The following RRP8 variants were observed in gnomAD, a reference collection of about 807,000 sequenced individuals.
The protein encoded by RRP8 is ribosomal RNA-processing protein 8.
RRP8 carries 48 observed loss-of-function variants against 45.0 expected under a neutral mutation model. The observed-to-expected ratio is 1.07, with a 90% CI of 0.85 to 1.36. RRP8 has a LOEUF of 1.36. Ranked by LOEUF, RRP8 falls within the 40% of genes most tolerant of loss-of-function variation. RRP8 has a pLI of 0.00. For synonymous variants in RRP8, 274 were observed against 212.4 expected, an observed-to-expected ratio of 1.29 and a Z score of -2.52; for missense variants, 658 against 573.7, an observed-to-expected ratio of 1.15 and a Z score of -1.50.
In RRP8 at chr11:6,601,357, C is replaced by T. The variant is rs1185884241; in HGVS notation, c.709G>A (p.Ala237Thr). 7 of 1,614,062 alleles carry T rather than the reference C, an allele frequency of 4.3e-6. No individual in the cohort carries two copies. Among genetic ancestry groups the T allele is most frequent in the Admixed American group, 1.7e-5 (1 of 60,024 alleles). The change falls in exon 3 of 7, where the codon GCT becomes ACT. Residue 237 changes from alanine to threonine, a missense_variant. Transcript: ENST00000254605. ...RTDSHEARAG[A>T]LRARMAQRLD... Reference sequence around the variant, plus strand: ...CGCTGTGCCATGCGGGCTCGCAAAGCCCCTGCCCGAGCCTCATGGCTGTCT... The same window carrying T: ...CGCTGTGCCATGCGGGCTCGCAAAGTCCCTGCCCGAGCCTCATGGCTGTCT...
At position 6,600,926 on chromosome 11, in the gene RRP8, C is replaced by T. The variant is rs777430541; in HGVS notation, c.1047G>A (p.Gln349=). ...CAAGCCAGATAACATAGGGGTTTAC[C>T]TGGGCCATGTCACACACAGTGACCC... The part of the protein sequence containing the change: ...DPRVTVCDMA[Q]VPLEDESVDV... Residue 349 remains glutamine (Q), a splice_region_variant and synonymous_variant, in exon 4 of 7, where the codon CAG becomes CAA. Transcript: ENST00000254605. 1.2e-6 allele frequency: 2 copies of T among 1,614,140 alleles called. No homozygotes were observed. The highest frequency in any genetic ancestry group is 1.7e-6 in the Non-Finnish European group (2 of 1,180,022).
rs562138702 is a variant in RRP8 at position 6,598,774 on chromosome 11, T to C, written c.*1372A>G. The C allele has an allele frequency of 1.3e-5, 2 of 152,316 alleles. No homozygotes were observed. The highest frequency in any genetic ancestry group is 2.9e-5 in the Non-Finnish European group (2 of 68,034). 9.4% of individuals were successfully genotyped at this position (152,316 alleles called of 1,614,324 possible). On this transcript the variant is annotated 3_prime_UTR_variant, in exon 7 of 7. Coordinates refer to ENST00000254605, the MANE Select transcript of RRP8 (RefSeq NM_015324.4). ...CCCTTATTAGAGGCATCCAACTGGC[T>C]CAGGGCATAGAACCTATGATCTCCC...
intron 2 of RRP8, 64 bp downstream of exon 2, chr11:6,601,788 T>C (rs1253482369): frequency 7.9e-6 from 12 of 1,515,628 alleles, no homozygotes; most frequent in Non-Finnish European, 9.7e-6. Flanking sequence ...CTCTTGTATG[T>C]AGAACCAGCT....
chr11:6,601,658 T>A, intron 2 of RRP8, 56 bp from the exon 3 acceptor site: 12 of 1,524,770 alleles, frequency 7.9e-6, no homozygotes, highest in Non-Finnish European at 1.1e-5. Context: ...ACATTCGGAG[T>A]CACGGCAAGT....
rs1854281457 is a variant in RRP8, at chr11:6,599,036, C to G, written c.*1110G>C. 1 of 152,322 alleles carries G rather than the reference C, an allele frequency of 6.6e-6. No homozygotes were observed. Among genetic ancestry groups the G allele is most frequent in the Non-Finnish European group, 1.5e-5 (1 of 68,092 alleles). 9.4% of individuals were successfully genotyped at this position (152,322 alleles called of 1,614,324 possible). A position where few individuals can be genotyped will look rare whatever the true frequency, so the allele number is the denominator to read the frequency against. Reference sequence around the variant, plus strand: ...CAATGCCCCCAAGCCCACATGGCATCAACAAGTTGTTTATGAACAGAGACC... The same window carrying G: ...CAATGCCCCCAAGCCCACATGGCATGAACAAGTTGTTTATGAACAGAGACC... On this transcript the variant is annotated 3_prime_UTR_variant, in exon 7 of 7. Transcript: ENST00000254605.
rs1332809065 is a variant in RRP8 at position 6,600,565 on chromosome 11, G to A, written c.1172C>T (p.Ala391Val). ...ATCCTCAAAGCGGCTGCTGACCTCA[G>A]CCACTTTCAGGAGACCCCTGAGAAA... ...VLKPGGLLKV[A>V]EVSSRFEDVR... The change falls in exon 6 of 7, where the codon GCT becomes GTT. Residue 391 changes from alanine (A) to valine (V), a missense_variant. Ala to Val is a moderately conservative substitution (Grantham distance 64, BLOSUM62 0). Coordinates refer to ENST00000254605, the MANE Select transcript of RRP8 (RefSeq NM_015324.4). 7 of 1,614,136 alleles carry A rather than the reference G, an allele frequency of 4.3e-6. No homozygotes were observed. Among genetic ancestry groups the A allele is most frequent in the South Asian group, 2.2e-5 (2 of 91,072 alleles).
rs769351985 is a variant in RRP8 at position 6,601,226 on chromosome 11, G to C, written c.840C>G (p.Tyr280Ter). ...TCACTTGGCTCTGGAAGCCGCGGTG[G>C]TAGAGAAGAAAAGCCTCAGGGTCTT... ...FQEDPEAFLL[Y>*]HRGFQSQVKK... Residue 280 changes from tyrosine to a stop codon, truncating the protein, a stop_gained, in exon 3 of 7, where the codon TAC becomes TAG. Transcript: ENST00000254605. LOFTEE classifies it high-confidence loss of function. The C allele has an allele frequency of 6.2e-7, 1 of 1,611,946 alleles. No homozygotes were observed. Among genetic ancestry groups the C allele is most frequent in the Non-Finnish European group, 8.5e-7 (1 of 1,178,984 alleles).
chr11:6,601,570 C>G lies in RRP8; in HGVS notation c.496G>C (p.Asp166His), dbSNP rs142207265. 10 of 1,603,534 alleles carry G rather than the reference C, an allele frequency of 6.2e-6. No individual in the cohort carries two copies. In the African/African-American group the frequency reaches 1.3e-4, roughly 21 times the overall value. ...GACCCAGGGCTTTGCTTTGGTGGAT[C>G]ATTTGTAGTACTACCCTTCCAGGCT... is the stretch of plus-strand genomic sequence containing the variant. ...PKAWKGSTTN[D>H]PPKQSPGSTS... Residue 166 changes from aspartate to histidine, a missense_variant, in exon 3 of 7, where the codon GAT becomes CAT. Coordinates refer to ENST00000254605, the MANE Select transcript of RRP8 (RefSeq NM_015324.4).
In RRP8 at chr11:6,602,191, C is replaced by T. The variant is rs779298923; in HGVS notation, c.124G>A (p.Ala42Thr). ...NKGSKRRQLL[A>T]TLRALEAASL... ...GCTGCCTCTAGGGCCCGTAATGTGGCCAAGAGCTGGCGGCGCTTGGAGCCC... is the reference window on the plus strand; with the variant it reads ...GCTGCCTCTAGGGCCCGTAATGTGGTCAAGAGCTGGCGGCGCTTGGAGCCC... Residue 42 changes from alanine (A) to threonine (T), a missense_variant, in exon 2 of 7, where the codon GCC becomes ACC. Coordinates refer to ENST00000254605, the MANE Select transcript of RRP8 (RefSeq NM_015324.4). 4 of 1,572,436 alleles carry T rather than the reference C, an allele frequency of 2.5e-6. No individual in the cohort carries two copies. The highest frequency in any genetic ancestry group is 3.7e-5 in the Admixed American group (2 of 53,594).
rs528348114 is a variant in RRP8 at position 6,603,479 on chromosome 11, G to A, written c.24C>T (p.Ala8=). Reference sequence around the variant, plus strand: ...GGCCCGCGGCTACTGGGGCCGCCTCGGCCCACTCAGGCTCTTCGAACATGA... The same window carrying A: ...GGCCCGCGGCTACTGGGGCCGCCTCAGCCCACTCAGGCTCTTCGAACATGA... MFEEPEW[A]EAAPVAAGLG... The change falls in exon 1 of 7, where the codon GCC becomes GCT. Residue 8 remains alanine (A), a synonymous_variant. Transcript: ENST00000254605. The A allele has an allele frequency of 8.2e-6, 13 of 1,594,462 alleles. No individual in the cohort carries two copies. The highest frequency in any genetic ancestry group is 1.1e-5 in the Non-Finnish European group (13 of 1,171,992).
chr11:6,603,433 G>T lies in RRP8; in HGVS notation c.70C>A (p.Pro24Thr), dbSNP rs988625707. The change falls in exon 1 of 7, where the codon CCT becomes ACT. Residue 24 changes from proline (P) to threonine (T), a missense_variant. Physicochemically the swap from Pro to Thr is conservative, Grantham distance 38. Transcript: ENST00000254605. ...AAGLGPVISR[P>T]PPAASSQNKG... ...TTTTGCGAGGAGGCCGCAGGCGGAG[G>T]TCGTGAGATTACGGGCCCAAGGCCC... 1.2e-6 allele frequency: 2 copies of T among 1,605,030 alleles called. No individual in the cohort carries two copies. The highest frequency in any genetic ancestry group is 1.7e-6 in the Non-Finnish European group (2 of 1,176,766).
chr11:6,600,346 TCA>T (rs1394779089), intron 6 of RRP8, 81 bp from the exon 7 acceptor site: 2 of 1,302,818 alleles, frequency 1.5e-6, no homozygotes, highest in Non-Finnish European at 2.2e-6. Context: ...CTGCCTCTGC[TCA>T]CAAAGCTTCC....
rs1048831872 is a variant in RRP8, at chr11:6,598,210, A to G, written c.*1936T>C. On this transcript the variant is annotated 3_prime_UTR_variant, in exon 7 of 7. Coordinates refer to ENST00000254605, the MANE Select transcript of RRP8 (RefSeq NM_015324.4). ...TTGAGCAACCTGGAACTTACTTCAG[A>G]TTCCTCTCTTACCAACCTCAACATC... 5 of 152,226 alleles carry G rather than the reference A, an allele frequency of 3.3e-5. No individual in the cohort carries two copies. Among genetic ancestry groups the G allele is most frequent in the African/African-American group, 9.7e-5 (4 of 41,438 alleles). 9.4% of individuals were successfully genotyped at this position (152,226 alleles called of 1,614,324 possible). A position where few individuals can be genotyped will look rare whatever the true frequency, so the allele number is the denominator to read the frequency against.
At position 6,602,110 on chromosome 11, in the gene RRP8, C is replaced by T. The variant is rs1342865558; in HGVS notation, c.205G>A (p.Glu69Lys). 1 of 1,613,012 alleles carries T rather than the reference C, an allele frequency of 6.2e-7. No homozygotes were observed. Among genetic ancestry groups the T allele is most frequent in the African/African-American group, 1.3e-5 (1 of 74,972 alleles). The change falls in exon 2 of 7, where the codon GAG becomes AAG. Residue 69 changes from glutamate to lysine, a missense_variant. Coordinates refer to ENST00000254605, the MANE Select transcript of RRP8 (RefSeq NM_015324.4). ...LCISDSEEEE[E>K]ERKKKCPKKA... ...TTGGGGCATTTCTTCTTCCTTTCCT[C>T]CTCCTCCTCCTCAGAGTCACTTATA... is the stretch of plus-strand genomic sequence containing the variant.
At chr11:6,603,218 A>G (rs1386379204) in intron 1 of RRP8, among the ~76,000 whole-genome samples, 186 bp downstream of exon 1, 1 of 152,182 alleles carries the variant, frequency 6.6e-6, no homozygotes, top group African/African-American at 2.4e-5. Flanking sequence ...TCGCTTCACC[A>G]ACTTCTACTC....
rs1854259510 is a variant in RRP8 at position 6,597,881 on chromosome 11, CTCTG to C, written c.*2261_*2264del. The C allele has an allele frequency of 7.0e-6, 1 of 142,040 alleles. No homozygotes were observed. Among genetic ancestry groups the C allele is most frequent in the South Asian group, 2.2e-4 (1 of 4,512 alleles). The allele number at this position is 142,040 out of a possible 1,614,324, so 8.8% of individuals were successfully genotyped here. On this transcript the variant is annotated 3_prime_UTR_variant, in exon 7 of 7. Coordinates refer to ENST00000254605, the MANE Select transcript of RRP8 (RefSeq NM_015324.4). ...TTCCAGCCTGGGCCACAGAGCAAGACTCTGTCTTAAAAAAAAAAAAAAAAAAAAA... is the reference window on the plus strand; with the variant it reads ...TTCCAGCCTGGGCCACAGAGCAAGACTCTTAAAAAAAAAAAAAAAAAAAAA...
In RRP8 at chr11:6,601,952, A is replaced by G. The variant is rs1359431984; in HGVS notation, c.363T>C (p.Leu121=). ...CATCTTCAGCAGAGTCACTGCCAAC[A>G]AGAGCCTGTTTGTGGCATTTCTTCT... is the stretch of plus-strand genomic sequence containing the variant. ...ERKKKCHKQA[L]VGSDSAEDEK... is the part of the protein sequence containing the mutation. The change falls in exon 2 of 7, where the codon CTT becomes CTC. Residue 121 remains leucine, a synonymous_variant. Transcript: ENST00000254605. 1 of 1,614,124 alleles carries G rather than the reference A, an allele frequency of 6.2e-7. No homozygotes were observed. Among genetic ancestry groups the G allele is most frequent in the Non-Finnish European group, 8.5e-7 (1 of 1,179,990 alleles).
In RRP8 at chr11:6,601,996, C is replaced by T. The variant is rs1460232961; in HGVS notation, c.319G>A (p.Glu107Lys). 9 of 1,614,216 alleles carry T rather than the reference C, an allele frequency of 5.6e-6. No individual in the cohort carries two copies. The highest frequency in any genetic ancestry group is 7.6e-6 in the Non-Finnish European group (9 of 1,180,046). Residue 107 changes from glutamate (E) to lysine (K), a missense_variant, in exon 2 of 7, where the codon GAG (glutamate) becomes AAG (lysine). Glu to Lys is a moderately conservative substitution (Grantham distance 56). Coordinates refer to ENST00000254605, the MANE Select transcript of RRP8 (RefSeq NM_015324.4). Reference protein sequence around the residue: ...QKQGPPCSDSEEEVERKKKCH... With the variant: ...QKQGPPCSDSKEEVERKKKCH... The stretch of plus-strand genomic sequence containing the variant: ...TTCTTCTTCCTTTCTACTTCTTCCT[C>T]AGAGTCACTGCAAGGTGGGCCCTGT...
rs781550979 is a variant in RRP8 at position 6,601,393 on chromosome 11, C to G, written c.673G>C (p.Val225Leu). The stretch of plus-strand genomic sequence containing the variant: ...GCCTCATGGCTGTCTGTCCTGGGAA[C>G]AGGAGACACCTCTGTCTTCTCTGTG... The part of the protein sequence containing the change: ...APTEKTEVSP[V>L]PRTDSHEARA... Residue 225 changes from valine to leucine, a missense_variant, in exon 3 of 7, where the codon GTT becomes CTT. By Grantham distance (32) the Val-to-Leu change is conservative. Coordinates refer to ENST00000254605, the MANE Select transcript of RRP8 (RefSeq NM_015324.4). 10 of 1,614,146 alleles carry G rather than the reference C, an allele frequency of 6.2e-6. No homozygotes were observed. In the South Asian group the frequency reaches 7.7e-5, roughly 12 times the overall value.
Sources: gnomAD v4.1 joint callset for allele counts (sites outside exome capture counted in the v4.1 genomes callset) on GRCh38, gnomAD v4.1.1 for gene constraint, MANE v1.5 for transcripts, NCBI Gene and HGNC (gene_info 2026-07-23, HGNC 2026-07-21) for gene names.